Variants in HIVEP3 observed in about 807,000 individuals in gnomAD.
The protein encoded by HIVEP3 is transcription factor HIVEP3.
In HIVEP3, 49 loss-of-function variants were observed where a neutral mutation model predicts 152.8. That is an observed-to-expected ratio of 0.32 (90% CI 0.26 to 0.41). HIVEP3 has a LOEUF of 0.41. Among genes scored for constraint, HIVEP3 ranks in the 10% least tolerant of loss-of-function variants. The pLI is 1.00. For synonymous variants in HIVEP3, 1,269 were observed against 1,289.0 expected (o/e 0.98, Z 0.33); for missense variants, 2,790 against 3,103.3 (o/e 0.90, Z 2.40).
intron 3 of HIVEP3, among the ~76,000 whole-genome samples, chr1:41,592,952 C>T (rs1644609053): frequency 6.6e-6 from 1 of 152,116 alleles, no homozygotes; most frequent in Non-Finnish European, 1.5e-5. Context: ...ACCTGCTGAC[C>T]CTCTCTTGGG....
intron 1 of HIVEP3, among the ~76,000 whole-genome samples, chr1:41,940,693 G>C (rs966802631): frequency 4.6e-5 from 7 of 152,166 alleles, no homozygotes; most frequent in Non-Finnish European, 2.9e-5. Context: ...GAATGGGAAA[G>C]TTATGGGGAG....
intron 5 of HIVEP3, among the ~76,000 whole-genome samples, chr1:41,536,450 G>C (rs1445251714): frequency 6.6e-6 from 1 of 152,134 alleles, no homozygotes; most frequent in South Asian, 2.1e-4. Flanking sequence ...TAGCATATTT[G>C]TTCCAGTAAA....
At chr1:41,891,336 A>G (rs1168714404) in intron 1 of HIVEP3, among the ~76,000 whole-genome samples, 1 of 152,212 alleles carries the variant, frequency 6.6e-6, no homozygotes, top group Admixed American at 6.5e-5. Flanking sequence ...CTCACATAAG[A>G]CAGTTTGCAT....
intron 1 of HIVEP3, among the ~76,000 whole-genome samples, chr1:41,826,838 C>G (rs1214937223): frequency 6.6e-6 from 1 of 152,198 alleles, no homozygotes; most frequent in Non-Finnish European, 1.5e-5. Flanking sequence ...GCAATGTGGA[C>G]TGGACTAATA....
intron 1 of HIVEP3, among the ~76,000 whole-genome samples, chr1:41,835,272 C>T (rs995900039): frequency 6.6e-6 from 1 of 152,168 alleles, no homozygotes; most frequent in Non-Finnish European, 1.5e-5. Context: ...GCTCTGGAGG[C>T]TACAAGTCCA....
intron 1 of HIVEP3, among the ~76,000 whole-genome samples, chr1:41,887,049 T>C (rs1329767572): frequency 6.6e-6 from 1 of 150,780 alleles, no homozygotes; most frequent in East Asian, 1.9e-4. Flanking sequence ...AGCCATGTTT[T>C]ATGCAATGTA....
chr1:41,547,720 T>C (rs539199866), intron 5 of HIVEP3, among the ~76,000 whole-genome samples: 9 of 152,368 alleles, frequency 5.9e-5, no homozygotes, highest in Admixed American at 5.9e-4. Context: ...AGAGCATTTA[T>C]AATTTACAAT....
intron 1 of HIVEP3, among the ~76,000 whole-genome samples, chr1:42,035,397 A>G (rs965225049): frequency 2.0e-5 from 3 of 152,200 alleles, no homozygotes; most frequent in African/African-American, 4.8e-5. Flanking sequence ...GTCTCCCCGC[A>G]TCTCTCAGAC....
chr1:41,737,316 C>T (rs983321978), intron 1 of HIVEP3, among the ~76,000 whole-genome samples: 2 of 152,166 alleles, frequency 1.3e-5, no homozygotes, highest in Admixed American at 6.5e-5. Flanking sequence ...GGCACTTGAC[C>T]GATACTCTTG....
chr1:41,562,631 C>T lies in HIVEP3; in HGVS notation c.5207+12913G>A, dbSNP rs1256392856. Among the ~76,000 whole-genome samples the T allele has an allele frequency of 9.2e-3, 781 of 85,078 alleles. 1 individual carries two copies. Among genetic ancestry groups the T allele is most frequent in the Middle Eastern group, 0.028 (6 of 214 alleles). 55.8% of individuals were successfully genotyped at this position (85,078 alleles called of 152,430 possible). A position where few individuals can be genotyped will look rare whatever the true frequency, so the allele number is the denominator to read the frequency against. ...TCTCTCTCTCTCTCTCTCTCTCTCT[C>T]TCCCTCTCTCTCTCTTTCTTTCTTT... is the stretch of plus-strand genomic sequence containing the variant. On this transcript the variant is annotated intron_variant, in intron 5 of 8. Transcript: ENST00000372583.
At chr1:41,525,974 G>A (rs881718) in intron 5 of HIVEP3, among the ~76,000 whole-genome samples, 9,952 of 148,536 alleles carry the variant, frequency 0.067, 1,086 homozygotes, top group African/African-American at 0.23. Flanking sequence ...CCTGTGGGGC[G>A]CACCTTCCAA....
intron 5 of HIVEP3, among the ~76,000 whole-genome samples, chr1:41,562,629 CT>C (rs1644092805): frequency 1.1e-5 from 1 of 94,678 alleles, no homozygotes; most frequent in Admixed American, 9.0e-5. Context: ...CTCTCTCTCT[CT>C]CTCCCTCTCT....
At chr1:41,578,558 A>G (rs1239220413) in intron 4 of HIVEP3, among the ~76,000 whole-genome samples, 1 of 152,256 alleles carries the variant, frequency 6.6e-6, no homozygotes, top group South Asian at 2.1e-4. Context: ...ACTTATCTAC[A>G]ATATGAATTT....
At chr1:42,000,498 G>A (rs1019958337) in intron 1 of HIVEP3, among the ~76,000 whole-genome samples, 5 of 152,138 alleles carry the variant, frequency 3.3e-5, no homozygotes, top group Non-Finnish European at 5.9e-5. Flanking sequence ...AGAGGAGCAG[G>A]TTCCCAAAGG....
In HIVEP3 at chr1:41,511,512, T is replaced by C. The variant is rs17363082; in HGVS notation, c.6406-246A>G. 0.064 allele frequency among the ~76,000 whole-genome samples: 9,749 copies of C among 152,186 alleles called. 418 individuals are homozygous for C. The highest frequency in any genetic ancestry group is 0.096 in the Non-Finnish European group (6,515 of 68,000). On this transcript the variant is annotated intron_variant, in intron 8 of 8. Coordinates refer to ENST00000372583, the MANE Select transcript of HIVEP3 (RefSeq NM_024503.5). This position sits in a 1 kb window ranked among gnomAD's most constrained non-coding sequence, Gnocchi z 4.9. ...GTATGCTCAGGCCCCATGGTCTCCA[T>C]GCCTCTAGCCAGCATATCTGTCTTC...
intron 1 of HIVEP3, among the ~76,000 whole-genome samples, chr1:41,926,471 G>A (rs571865018): frequency 6.6e-6 from 1 of 152,252 alleles, no homozygotes; most frequent in South Asian, 2.1e-4. Flanking sequence ...TGGCACTCAA[G>A]CTAAACACAG....
intron 3 of HIVEP3, among the ~76,000 whole-genome samples, chr1:41,600,926 T>C (rs1429075597): frequency 6.6e-6 from 1 of 152,190 alleles, no homozygotes; most frequent in Non-Finnish European, 1.5e-5. Flanking sequence ...TTTTTATGTA[T>C]GGTTAATTTT....
chr1:41,917,356 A>G (rs1175294928), intron 1 of HIVEP3, among the ~76,000 whole-genome samples: 1 of 152,194 alleles, frequency 6.6e-6, no homozygotes, highest in Non-Finnish European at 1.5e-5. Flanking sequence ...GAAGCACTCC[A>G]GGTAGCCAGT....
chr1:41,906,031 C>T (rs1255577656), intron 1 of HIVEP3, among the ~76,000 whole-genome samples: 1 of 152,104 alleles, frequency 6.6e-6, no homozygotes, highest in Non-Finnish European at 1.5e-5. Context: ...CTGTGGTGGC[C>T]AGGCGCGGTG....
Sources: gnomAD v4.1 joint callset for allele counts (sites outside exome capture counted in the v4.1 genomes callset) on GRCh38, gnomAD v4.1.1 for gene constraint, Gnocchi (gnomAD v3.1) non-coding constraint, MANE v1.5 for transcripts, NCBI Gene and HGNC (gene_info 2026-07-23, HGNC 2026-07-21) for gene names.